The following ALK variants were observed in gnomAD, a reference collection of about 807,000 sequenced individuals.
ALK encodes ALK receptor tyrosine kinase.
A neutral mutation model predicts 163.1 loss-of-function variants in ALK; 74 were observed. The observed-to-expected ratio is 0.45, with a 90% CI of 0.38 to 0.55. The LOEUF is 0.55. ALK is among the 20% of genes least tolerant of loss of function. The pLI is 0.00. For synonymous variants in ALK, 960 were observed against 843.2 expected, an observed-to-expected ratio of 1.14 and a Z score of -2.40; for missense variants, 2,063 against 2,105.3, an observed-to-expected ratio of 0.98 and a Z score of 0.39.
At chr2:29,235,247 A>G (rs78098865) in intron 13 of ALK, among the ~76,000 whole-genome samples, 12,106 of 152,294 alleles carry the variant, frequency 0.079, 615 homozygotes, top group Non-Finnish European at 0.12. Flanking sequence ...TCTTTCACTT[A>G]ATAGAAAAAA....
chr2:29,297,638 G>C (rs1349474399), intron 8 of ALK, among the ~76,000 whole-genome samples: 3 of 152,216 alleles, frequency 2.0e-5, no homozygotes, highest in Non-Finnish European at 4.4e-5. Context: ...TACATATCAA[G>C]ATCTTTTAAT....
chr2:29,801,885 C>CA (rs2148364719), intron 1 of ALK, among the ~76,000 whole-genome samples: 1 of 152,260 alleles, frequency 6.6e-6, no homozygotes, highest in Non-Finnish European at 1.5e-5. Flanking sequence ...CTTTCTACTA[C>CA]AGAGCTGCAG....
At chr2:29,294,876 G>A (rs1345038708) in intron 9 of ALK, among the ~76,000 whole-genome samples, 14 of 152,130 alleles carry the variant, frequency 9.2e-5, no homozygotes, top group Non-Finnish European at 1.8e-4. Context: ...TGCTTCTTTG[G>A]TTTCTTTGGG....
chr2:29,516,689 G>A (rs1263756403), intron 4 of ALK, among the ~76,000 whole-genome samples: 1 of 152,188 alleles, frequency 6.6e-6, no homozygotes, highest in Non-Finnish European at 1.5e-5. Context: ...AACAAGTTCA[G>A]TCTCTTCATT....
At chr2:29,896,588 G>T (rs971222892) in intron 1 of ALK, among the ~76,000 whole-genome samples, 1 of 151,990 alleles carries the variant, frequency 6.6e-6, no homozygotes, top group African/African-American at 2.4e-5. Context: ...ACCCACCTGT[G>T]GCACCTTAAC....
intron 1 of ALK, among the ~76,000 whole-genome samples, chr2:29,725,071 C>A (rs550280106): frequency 7.2e-6 from 1 of 137,938 alleles, no homozygotes; most frequent in Admixed American, 8.2e-5. Context: ...TCCCAAGGCA[C>A]AACAGTGAGG....
At chr2:29,414,743 C>G (rs747742181) in intron 4 of ALK, among the ~76,000 whole-genome samples, 1 of 152,210 alleles carries the variant, frequency 6.6e-6, no homozygotes, top group Non-Finnish European at 1.5e-5. Flanking sequence ...CCCTTTCAGA[C>G]AGTTCCTGCA....
intron 1 of ALK, among the ~76,000 whole-genome samples, chr2:29,784,483 G>C (rs1663943647): frequency 1.3e-5 from 2 of 152,084 alleles, no homozygotes; most frequent in South Asian, 4.2e-4. Context: ...ATCACTTGAG[G>C]TCAGGAGTTC....
chr2:29,669,526 G>T (rs1024785053), intron 3 of ALK, among the ~76,000 whole-genome samples: 8 of 151,936 alleles, frequency 5.3e-5, no homozygotes, highest in Non-Finnish European at 1.2e-4. Flanking sequence ...GCAGCATATA[G>T]CTGAATTTTA....
At chr2:29,713,303 C>T (rs1456555872) in intron 2 of ALK, among the ~76,000 whole-genome samples, 1 of 152,296 alleles carries the variant, frequency 6.6e-6, no homozygotes, top group Middle Eastern at 3.4e-3. Flanking sequence ...AGGTCACATT[C>T]ACAGGTACTA....
intron 11 of ALK, among the ~76,000 whole-genome samples, chr2:29,273,449 G>A (rs1017624961): frequency 1.5e-4 from 23 of 152,362 alleles, no homozygotes; most frequent in Non-Finnish European, 2.2e-4. Flanking sequence ...TCATCGCCAC[G>A]TGTGAGCCAC....
intron 3 of ALK, among the ~76,000 whole-genome samples, chr2:29,562,904 C>A (rs571968873): frequency 6.6e-6 from 1 of 152,276 alleles, no homozygotes; most frequent in Non-Finnish European, 1.5e-5. Context: ...AAGTAGGGTA[C>A]CTTCTATTTG....
chr2:29,197,406 A>G (rs186166562), intron 27 of ALK, 136 bp downstream of exon 27: 36 of 1,331,658 alleles, frequency 2.7e-5, no homozygotes, highest in Middle Eastern at 2.7e-4. Flanking sequence ...TCGCAGTCAC[A>G]TTCGCATCTT....
At chr2:29,803,308 T>A (rs1053014688) in intron 1 of ALK, among the ~76,000 whole-genome samples, 8 of 152,196 alleles carry the variant, frequency 5.3e-5, no homozygotes, top group Non-Finnish European at 1.2e-4. Context: ...CCAGAAGAGA[T>A]GAAGCTCCCA....
chr2:29,344,911 C>T (rs904404636), intron 5 of ALK, among the ~76,000 whole-genome samples: 2 of 152,112 alleles, frequency 1.3e-5, no homozygotes, highest in African/African-American at 2.4e-5. Context: ...ACAGATGATG[C>T]CATGCTCAGG....
chr2:29,724,776 A>G (rs544261185), intron 1 of ALK, among the ~76,000 whole-genome samples: 59 of 152,266 alleles, frequency 3.9e-4, no homozygotes, highest in African/African-American at 1.3e-3. Context: ...TGGCTCATTC[A>G]GAAGGGAGCT....
chr2:29,344,312 G>A (rs932193531), intron 5 of ALK, among the ~76,000 whole-genome samples: 3 of 152,108 alleles, frequency 2.0e-5, no homozygotes, highest in Non-Finnish European at 2.9e-5. Flanking sequence ...CTCATGAGTC[G>A]GGCAGGCTCA....
chr2:29,216,165 C>T (rs868801117), intron 23 of ALK, among the ~76,000 whole-genome samples: 5 of 152,214 alleles, frequency 3.3e-5, no homozygotes. Context: ...AGGATTTTAT[C>T]CCCATCTGCC....
chr2:29,560,027 A>G (rs1347805061), intron 3 of ALK, among the ~76,000 whole-genome samples: 3 of 152,206 alleles, frequency 2.0e-5, no homozygotes, highest in Admixed American at 2.0e-4. Context: ...ATTATTTGGA[A>G]AGCAGTTTTG....
Sources: gnomAD v4.1 joint callset for allele counts (sites outside exome capture counted in the v4.1 genomes callset) on GRCh38, gnomAD v4.1.1 for gene constraint, MANE v1.5 for transcripts, NCBI Gene and HGNC (gene_info 2026-07-23, HGNC 2026-07-21) for gene names.